Variants in RSPH9 observed in about 807,000 individuals in gnomAD.
The protein encoded by RSPH9 is radial spoke head protein 9 homolog.
A neutral mutation model predicts 27.0 loss-of-function variants in RSPH9; 27 were observed. The observed-to-expected ratio is 1.00, with a 90% CI of 0.74 to 1.38. RSPH9 has a LOEUF of 1.38. Among genes scored for constraint, RSPH9 ranks in the 40% most tolerant of loss-of-function variants. The pLI, the probability that RSPH9 is intolerant of heterozygous loss-of-function variation, is 0.00. For synonymous variants in RSPH9, 145 were observed against 147.7 expected (o/e 0.98, Z 0.13); for missense variants, 347 against 357.4 (o/e 0.97, Z 0.24).
chr6:43,660,800 A>C (rs891258818), intron 4 of RSPH9, among the ~76,000 whole-genome samples: 1 of 152,178 alleles, frequency 6.6e-6, no homozygotes, highest in African/African-American at 2.4e-5. Context: ...AAAATGATGA[A>C]TGTTTTCCAA....
rs979485734 is a variant in RSPH9, at chr6:43,672,104, G to A, written c.*1155G>A. ...TAAACAGATGGGCTGGGCTCTTGCTGCCGCAAGCCTGTGTGGCCAGGTTCA... is the reference window on the plus strand; with the variant it reads ...TAAACAGATGGGCTGGGCTCTTGCTACCGCAAGCCTGTGTGGCCAGGTTCA... On this transcript the variant is annotated 3_prime_UTR_variant, in exon 5 of 5. Coordinates refer to ENST00000372163, the MANE Select transcript of RSPH9 (RefSeq NM_152732.5). 19 of 660,978 alleles carry A rather than the reference G, an allele frequency of 2.9e-5. No homozygotes were observed. Among genetic ancestry groups the A allele is most frequent in the Non-Finnish European group, 4.8e-5 (19 of 393,010 alleles). 40.9% of individuals were successfully genotyped at this position (660,978 alleles called of 1,614,324 possible).
chr6:43,649,353 C>T (rs1033304436), intron 1 of RSPH9, among the ~76,000 whole-genome samples: 1 of 151,732 alleles, frequency 6.6e-6, no homozygotes, highest in African/African-American at 2.4e-5. Flanking sequence ...CCAAGCCCAG[C>T]TAATTTTTTT....
chr6:43,656,446 C>T (rs890199408), intron 3 of RSPH9, 131 bp from the exon 4 acceptor site: 2 of 1,069,462 alleles, frequency 1.9e-6, no homozygotes, highest in African/African-American at 1.6e-5. Flanking sequence ...AATCCCTTTC[C>T]TTCCTTTAGC....
chr6:43,663,973 G>C (rs918224481), intron 4 of RSPH9, among the ~76,000 whole-genome samples: 6 of 150,118 alleles, frequency 4.0e-5, no homozygotes, highest in African/African-American at 1.2e-4. Flanking sequence ...AGGTGGCAGT[G>C]AGCCGAGATC....
intron 4 of RSPH9, among the ~76,000 whole-genome samples, chr6:43,664,518 G>A (rs1394608608): frequency 6.6e-6 from 1 of 152,226 alleles, no homozygotes; most frequent in Non-Finnish European, 1.5e-5. Context: ...GTGACAATAA[G>A]GCAGTGGTAC....
intron 4 of RSPH9, among the ~76,000 whole-genome samples, chr6:43,665,804 T>TTTCC (rs1428870210): frequency 7.3e-5 from 11 of 150,830 alleles, no homozygotes; most frequent in Non-Finnish European, 1.5e-4. Context: ...ACTACCAGTT[T>TTTCC]TTCTTTCTTT....
chr6:43,658,330 G>T (rs1253922273), intron 4 of RSPH9, among the ~76,000 whole-genome samples: 2 of 138,606 alleles, frequency 1.4e-5, no homozygotes, highest in Non-Finnish European at 3.1e-5. Flanking sequence ...AAAAAGAAAC[G>T]AACATATCTC....
chr6:43,645,391 G>GGT, intron 1 of RSPH9, 66 bp downstream of exon 1: 2 of 400,200 alleles, frequency 5.0e-6, no homozygotes, highest in Admixed American at 5.8e-5. Flanking sequence ...GGGTGGGCGG[G>GGT]TCGCAGCAAT....
rs1770715539 is a variant in RSPH9, at chr6:43,645,228, GTTCTCTTCT to G, written c.131_139del (p.Val44_Trp47delinsGly). ...TAAGCGCGACTACCGCTATGATCGG[GTTCTCTTCT>G]GGGGCCGCATCCTTGGCCTCGTCGC... On this transcript the variant is annotated inframe_deletion, in exon 1 of 5. Coordinates refer to ENST00000372163, the MANE Select transcript of RSPH9 (RefSeq NM_152732.5). 1.2e-6 allele frequency: 2 copies of G among 1,613,976 alleles called. No individual in the cohort carries two copies. The highest frequency in any genetic ancestry group is 2.7e-5 in the African/African-American group (2 of 74,954).
intron 2 of RSPH9, among the ~76,000 whole-genome samples, chr6:43,652,295 G>A (rs746358732): frequency 1.0e-3 from 151 of 147,478 alleles, no homozygotes; most frequent in Non-Finnish European, 1.9e-3. Flanking sequence ...GACAGAGTGA[G>A]ACTCTGTCTC....
chr6:43,647,305 G>A (rs1051588638), intron 1 of RSPH9, among the ~76,000 whole-genome samples: 1 of 152,172 alleles, frequency 6.6e-6, no homozygotes, highest in African/African-American at 2.4e-5. Flanking sequence ...ATGGGTCTTT[G>A]TTCATAGGCC....
Position 43,671,363 on chromosome 6 carries a change from C to T in RSPH9, c.*414C>T, listed in dbSNP as rs140743757. 5.4e-4 allele frequency: 218 copies of T among 401,358 alleles called. No homozygotes were observed. Among genetic ancestry groups the T allele is most frequent in the Admixed American group, 2.6e-3 (66 of 25,256 alleles). 24.9% of individuals were successfully genotyped at this position (401,358 alleles called of 1,614,324 possible). A position where few individuals can be genotyped will look rare whatever the true frequency, so the allele number is the denominator to read the frequency against. On this transcript the variant is annotated 3_prime_UTR_variant, in exon 5 of 5. Transcript: ENST00000372163. The stretch of plus-strand genomic sequence containing the variant: ...TTCAATTGACTCATTGGCCCCATCA[C>T]AAGAGATCAGTGACTCAATGCTCAG...
chr6:43,669,249 G>GCCAGCC (rs1307974779), intron 4 of RSPH9, among the ~76,000 whole-genome samples: 1 of 152,230 alleles, frequency 6.6e-6, no homozygotes. Context: ...GGCACTTGGT[G>GCCAGCC]CTGGCCACTG....
chr6:43,652,031 G>A (rs1232743460), intron 2 of RSPH9, among the ~76,000 whole-genome samples: 1 of 151,922 alleles, frequency 6.6e-6, no homozygotes, highest in Admixed American at 6.6e-5. Flanking sequence ...CATTGGCCAG[G>A]CACGGTGGCT....
chr6:43,666,475 G>GAT, intron 4 of RSPH9: 1 of 1,550,548 alleles, frequency 6.4e-7, no homozygotes, highest in Non-Finnish European at 8.7e-7. Context: ...AGCAGGTGTG[G>GAT]TTTTGGTTGG....
intron 2 of RSPH9, among the ~76,000 whole-genome samples, chr6:43,653,919 C>T (rs983991797): frequency 1.4e-4 from 21 of 152,080 alleles, no homozygotes; most frequent in East Asian, 1.9e-4. Context: ...CTCAAACTCC[C>T]GACCTCAGGT....
At chr6:43,656,325 A>G (rs2127910451) in intron 3 of RSPH9, among the ~76,000 whole-genome samples, 1 of 152,274 alleles carries the variant, frequency 6.6e-6, no homozygotes, top group Middle Eastern at 3.4e-3. Flanking sequence ...ACCTCAGGTG[A>G]TCTGCCTGCC....
At chr6:43,647,851 A>C (rs1771042558) in intron 1 of RSPH9, among the ~76,000 whole-genome samples, 1 of 152,210 alleles carries the variant, frequency 6.6e-6, no homozygotes, top group Admixed American at 6.5e-5. Flanking sequence ...TGGTAAATGA[A>C]ATCCTTGTCT....
intron 4 of RSPH9, among the ~76,000 whole-genome samples, chr6:43,664,260 G>A (rs1398337528): frequency 2.0e-5 from 3 of 152,034 alleles, no homozygotes; most frequent in Non-Finnish European, 2.9e-5. Context: ...TATTTGAGAC[G>A]GAGTTTCTCG....
Sources: gnomAD v4.1 joint callset for allele counts (sites outside exome capture counted in the v4.1 genomes callset) on GRCh38, gnomAD v4.1.1 for gene constraint, MANE v1.5 for transcripts, NCBI Gene and HGNC (gene_info 2026-07-23, HGNC 2026-07-21) for gene names.